Variants in PKHD1L1 observed in about 807,000 individuals in gnomAD.
PKHD1L1 encodes fibrocystin-L.
Under a neutral mutation model 462.9 loss-of-function variants are expected in PKHD1L1, and 434 were observed. The observed-to-expected ratio is 0.94, with a 90% confidence interval of 0.87 to 1.02. The LOEUF (loss-of-function observed/expected upper bound fraction) is 1.02, where lower values mean the gene tolerates loss of function less well. Among genes scored for constraint, PKHD1L1 ranks in the 50% least tolerant of loss-of-function variants. The probability of loss-of-function intolerance (pLI) is 0.00; values close to 1 mark genes in which losing one functional copy is unlikely to be tolerated. For missense variants in PKHD1L1, 5,202 were observed against 5,096.1 expected (o/e 1.02, Z -0.63); for synonymous variants, 1,781 against 1,750.0 (o/e 1.02, Z -0.44).
intron 71 of PKHD1L1, among the ~76,000 whole-genome samples, chr8:109,511,476 A>T (rs1313112388): frequency 1.3e-5 from 2 of 151,364 alleles, no homozygotes; most frequent in African/African-American, 4.9e-5. Context: ...TAGTTTACTG[A>T]GAATGATGAT....
chr8:109,363,113 G>T (rs1811060717), intron 1 of PKHD1L1, among the ~76,000 whole-genome samples: 1 of 152,190 alleles, frequency 6.6e-6, no homozygotes, highest in East Asian at 1.9e-4. Context: ...CATTTCCAGG[G>T]GCAGCTGCCC....
rs919583573 is a variant in PKHD1L1, at chr8:109,425,203, A to T, written c.2816A>T (p.Asp939Val). 32 of 1,606,540 alleles carry T rather than the reference A, an allele frequency of 2.0e-5. No homozygotes were observed. The highest frequency in any genetic ancestry group is 2.7e-5 in the Non-Finnish European group (32 of 1,177,558). Residue 939 changes from aspartate (D) to valine (V), a missense_variant, in exon 24 of 78, where the codon GAC becomes GTC. By Grantham distance (152) the Asp-to-Val change is radical. Coordinates refer to ENST00000378402, the MANE Select transcript of PKHD1L1 (RefSeq NM_177531.6). Reference protein sequence around the residue: ...AASPPLSGSFDIQAYGHILKG... With the variant: ...AASPPLSGSFVIQAYGHILKG... ...TCTCCACCTCTAAGTGGCAGCTTTG[A>T]CATTCAAGCTTATGGACATATTCTT...
chr8:109,418,291 T>G (rs551921665), intron 21 of PKHD1L1, among the ~76,000 whole-genome samples: 52 of 152,280 alleles, frequency 3.4e-4, no homozygotes, highest in Non-Finnish European at 6.0e-4. Flanking sequence ...TACAATTTGC[T>G]AAAACTGATA....
At chr8:109,479,179 GA>G (rs1818145468) in intron 53 of PKHD1L1, among the ~76,000 whole-genome samples, 1 of 152,136 alleles carries the variant, frequency 6.6e-6, no homozygotes, top group South Asian at 2.1e-4. Context: ...AAGGCATAGT[GA>G]TGAAAACTGA....
Position 109,443,695 on chromosome 8 carries a change from C to T in PKHD1L1, c.4584C>T (p.His1528=), listed in dbSNP as rs1165778992. ...TYAYGGPENL[H]LGSSVAGCLA... ...CTAAAGGAGGACCTGAGAATTTGCACTTGGGAAGCTCTGTGGCAGGCTGCC... is the reference window on the plus strand; with the variant it reads ...CTAAAGGAGGACCTGAGAATTTGCATTTGGGAAGCTCTGTGGCAGGCTGCC... The change falls in exon 37 of 78, where the codon CAC becomes CAT. Residue 1528 remains histidine, a synonymous_variant. Transcript: ENST00000378402. 6.2e-7 allele frequency: 1 copy of T among 1,612,274 alleles called. No individual in the cohort carries two copies. The highest frequency in any genetic ancestry group is 8.5e-7 in the Non-Finnish European group (1 of 1,179,264).
intron 41 of PKHD1L1, 67 bp from the exon 42 acceptor site, chr8:109,452,056 AG>A (rs1816551852): frequency 4.2e-6 from 6 of 1,413,338 alleles, no homozygotes; most frequent in East Asian, 2.6e-5. Context: ...TAGGAATAAA[AG>A]GGTTTGACAG....
intron 77 of PKHD1L1, 59 bp downstream of exon 77, chr8:109,527,079 G>T: frequency 7.2e-7 from 1 of 1,392,062 alleles, no homozygotes; most frequent in South Asian, 1.3e-5. Flanking sequence ...GTGTTTACTG[G>T]ATAAAGGCTG....
At chr8:109,413,122 T>C (rs1813946141) in intron 20 of PKHD1L1, among the ~76,000 whole-genome samples, 1 of 152,130 alleles carries the variant, frequency 6.6e-6, no homozygotes, top group Non-Finnish European at 1.5e-5. Flanking sequence ...TTAGAGTTAG[T>C]ACATAACTCA....
At chr8:109,482,962 G>C in intron 56 of PKHD1L1, 25 bp from the exon 57 acceptor site, 2 of 1,479,956 alleles carry the variant, frequency 1.4e-6, no homozygotes, top group Non-Finnish European at 1.9e-6. Context: ...GGGTGAATAA[G>C]TAGGAGTGTG....
At chr8:109,412,440 A>G (rs755545776) in intron 20 of PKHD1L1, 26 bp downstream of exon 20, 1 of 1,557,614 alleles carries the variant, frequency 6.4e-7, no homozygotes, top group Non-Finnish European at 8.7e-7. Context: ...TGATATGCTA[A>G]TTGAATCTGG....
At chr8:109,465,381 T>C (rs1432580396) in intron 49 of PKHD1L1, 136 bp downstream of exon 49, 2 of 936,662 alleles carry the variant, frequency 2.1e-6, no homozygotes, top group Non-Finnish European at 3.1e-6. Flanking sequence ...ATTTAAATGA[T>C]AGAGGCAAGC....
At chr8:109,475,341 C>T in intron 51 of PKHD1L1, 72 bp downstream of exon 51, 1 of 1,200,634 alleles carries the variant, frequency 8.3e-7, no homozygotes, top group Non-Finnish European at 1.1e-6. Flanking sequence ...CATACTTACT[C>T]ACAGACATTG....
chr8:109,375,733 G>C (rs1321088003), intron 2 of PKHD1L1, among the ~76,000 whole-genome samples: 1 of 152,184 alleles, frequency 6.6e-6, no homozygotes, highest in Non-Finnish European at 1.5e-5. Context: ...AGGACCCTCA[G>C]CTACAGGTCT....
At position 109,445,204 on chromosome 8, in the gene PKHD1L1, A is replaced by G. The variant is rs1563551267; in HGVS notation, c.5335A>G (p.Ile1779Val). The G allele has an allele frequency of 3.7e-6, 6 of 1,614,002 alleles. No homozygotes were observed. The highest frequency in any genetic ancestry group is 4.2e-6 in the Non-Finnish European group (5 of 1,179,888). ...AGGTTTGGGGACTGTTTTGGAGGAC[A>G]TTGCTGTTTTCATTGGAAATCAACA... ...GEGLGTVLEDIAVFIGNQQFR... is the reference protein window; with the variant it reads ...GEGLGTVLEDVAVFIGNQQFR... Residue 1779 changes from isoleucine (I) to valine (V), a missense_variant, in exon 38 of 78, where the codon ATT (isoleucine) becomes GTT (valine). Around this residue, in one of 3 missense-constraint regions of PKHD1L1, gnomAD observed 4,497 missense variants for 4,336.8 expected, o/e 1.04. Coordinates refer to ENST00000378402, the MANE Select transcript of PKHD1L1 (RefSeq NM_177531.6).
intron 63 of PKHD1L1, among the ~76,000 whole-genome samples, chr8:109,494,714 ATT>A (rs1373467596): frequency 4.6e-5 from 7 of 152,024 alleles, no homozygotes; most frequent in Non-Finnish European, 7.4e-5. Flanking sequence ...TGTATATGGT[ATT>A]TGTATTTACA....
Position 109,507,116 on chromosome 8 carries a change from T to C in PKHD1L1, c.10995-547T>C, listed in dbSNP as rs956145675. 5.3e-5 allele frequency among the ~76,000 whole-genome samples: 8 copies of C among 152,200 alleles called. No homozygotes were observed. In the South Asian group the frequency reaches 1.7e-3, roughly 31 times the overall value. On this transcript the variant is annotated intron_variant, in intron 68 of 77. Transcript: ENST00000378402. ...ATAAACAAAGGTCTATAAGAATATA[T>C]ACTAATCTGCAATTGGTGATGAGCC...
At chr8:109,437,397 G>T (rs1377519074) in intron 30 of PKHD1L1, among the ~76,000 whole-genome samples, 2 of 151,864 alleles carry the variant, frequency 1.3e-5, no homozygotes, top group Non-Finnish European at 2.9e-5. Flanking sequence ...CAACGTGCAG[G>T]TTAGTTACAT....
intron 14 of PKHD1L1, 47 bp downstream of exon 14, chr8:109,401,635 T>C (rs752433278): frequency 2.0e-5 from 19 of 965,954 alleles, no homozygotes; most frequent in South Asian, 1.2e-4. Context: ...ATTTATAAGC[T>C]TTAAGTTTAT....
Position 109,510,832 on chromosome 8 carries a change from G to C in PKHD1L1, c.11451G>C (p.Leu3817=). The C allele has an allele frequency of 6.2e-7, 1 of 1,613,328 alleles. No homozygotes were observed. The highest frequency in any genetic ancestry group is 8.5e-7 in the Non-Finnish European group (1 of 1,179,484). ...AGYTCQRRLS[L]FHSIVALNKS... ...ATACATGCCAGAGAAGGCTGTCCCT[G>C]TTTCACAGCATTGTGGCTCTGAACA... Residue 3817 remains leucine (L), a synonymous_variant, in exon 71 of 78, where the codon CTG becomes CTC. Coordinates refer to ENST00000378402, the MANE Select transcript of PKHD1L1 (RefSeq NM_177531.6).
Sources: allele counts gnomAD v4.1 joint callset (sites outside exome capture counted in the v4.1 genomes callset), GRCh38; gene constraint gnomAD v4.1.1; regional missense constraint gnomAD v4.1.1; transcripts MANE v1.5; gene names NCBI Gene and HGNC (gene_info 2026-07-23, HGNC 2026-07-21).